The following NELFA variants were observed in gnomAD, a reference collection of about 807,000 sequenced individuals.
NELFA encodes the protein negative elongation factor complex member A.
NELFA carries 35 observed loss-of-function variants against 51.8 expected under a neutral mutation model. That is an observed-to-expected ratio of 0.68 (90% confidence interval 0.52 to 0.90). The LOEUF (loss-of-function observed/expected upper bound fraction) is 0.90. Among genes scored for constraint, NELFA ranks in the 40% least tolerant of loss-of-function variants. The pLI, the probability that NELFA is intolerant of heterozygous loss-of-function variation, is 0.00. For synonymous variants in NELFA, 417 were observed against 338.4 expected, an observed-to-expected ratio of 1.23 and a Z score of -2.55; for missense variants, 658 against 746.4, an observed-to-expected ratio of 0.88 and a Z score of 1.38.
intron 4 of NELFA, chr4:1,986,689 G>A (rs1728111289): frequency 5.1e-6 from 2 of 391,974 alleles, no homozygotes; most frequent in Non-Finnish European, 9.5e-6. Flanking sequence ...CGGGGGCTGA[G>A]CTCTGCCTCC....
intron 1 of NELFA, chr4:2,007,943 T>C: frequency 4.4e-6 from 2 of 456,570 alleles, no homozygotes. Flanking sequence ...ATATAAAGTT[T>C]AGGAAAAAAG....
intron 1 of NELFA, among the ~76,000 whole-genome samples, chr4:2,000,456 T>TA (rs1156525762): frequency 6.6e-6 from 1 of 151,732 alleles, no homozygotes; most frequent in Non-Finnish European, 1.5e-5. Flanking sequence ...ATAATGATAA[T>TA]AATAAAGATG....
At chr4:2,001,644 T>C (rs566394605) in intron 1 of NELFA, among the ~76,000 whole-genome samples, 1 of 152,350 alleles carries the variant, frequency 6.6e-6, no homozygotes, top group Admixed American at 6.5e-5. Flanking sequence ...GGCTCACGCC[T>C]GTAATCCCAG....
Position 2,008,750 on chromosome 4 carries a change from C to G in NELFA, c.210G>C (p.Glu70Asp), listed in dbSNP as rs1352969866. Residue 70 changes from glutamate (E) to aspartate (D), a missense_variant and splice_region_variant, in exon 1 of 11, where the codon GAG becomes GAC. Physicochemically the swap from Glu to Asp is conservative, Grantham distance 45. This residue lies in a region of NELFA where 371 missense variants were observed against 448.3 expected (regional missense o/e 0.83). Coordinates refer to ENST00000382882, the MANE Select transcript of NELFA (RefSeq NM_005663.5). ...TLHLPRRTVD[E>D]MKGALMEIIQ... is the part of the protein sequence containing the mutation. ...CCGCGGGGCGCCACGCCTGCCTTAC[C>G]TCGTCCACCGTGCGGCGCGGGAGGT... 4 of 1,606,642 alleles carry G rather than the reference C, an allele frequency of 2.5e-6. No homozygotes were observed. The highest frequency in any genetic ancestry group is 4.5e-5 in the East Asian group (2 of 44,548).
At chr4:1,988,549 G>A (rs767919587) in intron 3 of NELFA, among the ~76,000 whole-genome samples, 1 of 152,218 alleles carries the variant, frequency 6.6e-6, no homozygotes, top group Non-Finnish European at 1.5e-5. Flanking sequence ...GTGGGCCCGG[G>A]GCTGCACGGA....
At chr4:1,985,695 C>A (rs1728066263) in intron 7 of NELFA, 81 bp downstream of exon 7, 3 of 1,055,498 alleles carry the variant, frequency 2.8e-6, no homozygotes, top group Middle Eastern at 4.0e-4. Context: ...TATTCTCCGA[C>A]AGAGCACACT....
At chr4:1,994,319 C>G (rs1183939350) in intron 1 of NELFA, among the ~76,000 whole-genome samples, 1 of 151,980 alleles carries the variant, frequency 6.6e-6, no homozygotes, top group East Asian at 1.9e-4. Flanking sequence ...AATCCCAGCA[C>G]TCTGGGAGGC....
intron 1 of NELFA, among the ~76,000 whole-genome samples, chr4:2,002,837 A>G (rs1488351533): frequency 6.6e-6 from 1 of 152,230 alleles, no homozygotes; most frequent in Non-Finnish European, 1.5e-5. Flanking sequence ...CAACTTCATG[A>G]CAAAAATGCC....
At chr4:1,994,004 G>T (rs1302716467) in intron 1 of NELFA, among the ~76,000 whole-genome samples, 1 of 152,100 alleles carries the variant, frequency 6.6e-6, no homozygotes, top group Non-Finnish European at 1.5e-5. Context: ...TAGAGAGCAG[G>T]GGCCCTAACT....
At chr4:1,987,851 G>T in intron 4 of NELFA, 67 bp downstream of exon 4, 1 of 1,337,584 alleles carries the variant, frequency 7.5e-7, no homozygotes, top group Non-Finnish European at 1.0e-6. Context: ...CAGGGAGCGG[G>T]TCTCCAGGTG....
Position 2,008,753 on chromosome 4 carries a change from G to A in NELFA, c.207C>T (p.Asp69=). ...GTLHLPRRTV[D]EMKGALMEII... Reference sequence around the variant, plus strand: ...CGGGGCGCCACGCCTGCCTTACCTCGTCCACCGTGCGGCGCGGGAGGTGCA... The same window carrying A: ...CGGGGCGCCACGCCTGCCTTACCTCATCCACCGTGCGGCGCGGGAGGTGCA... The change falls in exon 1 of 11, where the codon GAC becomes GAT. Residue 69 remains aspartate (D), a synonymous_variant. Coordinates refer to ENST00000382882, the MANE Select transcript of NELFA (RefSeq NM_005663.5). The A allele has an allele frequency of 6.2e-7, 1 of 1,607,690 alleles. No individual in the cohort carries two copies. The highest frequency in any genetic ancestry group is 8.5e-7 in the Non-Finnish European group (1 of 1,177,450).
In NELFA at chr4:1,986,412, G is replaced by T. The variant is rs766475819; in HGVS notation, c.635-10C>A. The T allele has an allele frequency of 1.2e-6, 2 of 1,612,662 alleles. No individual in the cohort carries two copies. Among genetic ancestry groups the T allele is most frequent in the Non-Finnish European group, 1.7e-6 (2 of 1,179,628 alleles). ...ATGCCTTTGAGTGGGGCTGGAGGACGGCAACAGTCAGGGCGCCAGCAGCAG... is the reference window on the plus strand; with the variant it reads ...ATGCCTTTGAGTGGGGCTGGAGGACTGCAACAGTCAGGGCGCCAGCAGCAG... On this transcript the variant is annotated splice_polypyrimidine_tract_variant and intron_variant, in intron 4 of 10. Coordinates refer to ENST00000382882, the MANE Select transcript of NELFA (RefSeq NM_005663.5).
chr4:2,001,540 A>G (rs1728565574), intron 1 of NELFA, among the ~76,000 whole-genome samples: 1 of 152,210 alleles, frequency 6.6e-6, no homozygotes, highest in Non-Finnish European at 1.5e-5. Flanking sequence ...AGAATAAAAT[A>G]CCTAGGAATA....
Position 1,987,987 on chromosome 4 carries a change from A to G in NELFA, c.565T>C (p.Leu189=), listed in dbSNP as rs1352655283. Reference sequence around the variant, plus strand: ...AAGGGCACCCCGGCGCTCCGCTTCAACTGCTGGGCGGTCTCCGTGGCTGGA... The same window carrying G: ...AAGGGCACCCCGGCGCTCCGCTTCAGCTGCTGGGCGGTCTCCGTGGCTGGA... ...LQKSTETAQQ[L]KRSAGVPFHA... Residue 189 remains leucine, a synonymous_variant, in exon 4 of 11, where the codon TTG becomes CTG. Transcript: ENST00000382882. 1.9e-6 allele frequency: 3 copies of G among 1,610,946 alleles called. No homozygotes were observed. The highest frequency in any genetic ancestry group is 2.2e-5 in the South Asian group (2 of 90,512).
intron 7 of NELFA, 34 bp downstream of exon 7, chr4:1,985,741 TG>T: frequency 6.4e-7 from 1 of 1,565,184 alleles, no homozygotes; most frequent in Non-Finnish European, 8.8e-7. Context: ...GCACCCGCAG[TG>T]GTGCCAGACA....
intron 1 of NELFA, among the ~76,000 whole-genome samples, chr4:2,002,024 C>A (rs1338782065): frequency 2.0e-5 from 3 of 151,630 alleles, no homozygotes; most frequent in Non-Finnish European, 4.4e-5. Context: ...CACGGTGAAA[C>A]CCTGTCTCTA....
chr4:1,983,330 T>C lies in NELFA; in HGVS notation c.1576A>G (p.Asn526Asp). Residue 526 changes from asparagine (N) to aspartate (D), a missense_variant, in exon 11 of 11, where the codon AAT becomes GAT. Physicochemically the swap from Asn to Asp is conservative, Grantham distance 23. Coordinates refer to ENST00000382882, the MANE Select transcript of NELFA (RefSeq NM_005663.5). The part of the protein sequence containing the change: ...TRFKKYKPMT[N>D]VS ...TGAGGCAGGTGGTTCTAGGACACAT[T>C]GGTCATGGGCTTGTACTTCTTGAAG... The C allele has an allele frequency of 6.2e-7, 1 of 1,614,028 alleles. No individual in the cohort carries two copies. The highest frequency in any genetic ancestry group is 8.5e-7 in the Non-Finnish European group (1 of 1,179,956).
intron 2 of NELFA, chr4:1,990,162 C>A (rs1265093606): frequency 3.4e-5 from 16 of 464,550 alleles, no homozygotes; most frequent in Non-Finnish European, 6.4e-5. Flanking sequence ...ACAGTGATTC[C>A]TGGAGGGCTC....
Position 1,983,262 on chromosome 4 carries a change from C to T in NELFA, c.*57G>A. The T allele has an allele frequency of 2.6e-6, 4 of 1,547,720 alleles. No homozygotes were observed. Among genetic ancestry groups the T allele is most frequent in the Non-Finnish European group, 3.5e-6 (4 of 1,138,384 alleles). On this transcript the variant is annotated 3_prime_UTR_variant, in exon 11 of 11. Transcript: ENST00000382882. ...CCGCCATCCGGTTACTTTAAGCTGG[C>T]AAAGCCATCGTCCCGTGGACCCCCA...
Sources: allele counts gnomAD v4.1 joint callset (sites outside exome capture counted in the v4.1 genomes callset), GRCh38; gene constraint gnomAD v4.1.1; regional missense constraint gnomAD v4.1.1; transcripts MANE v1.5; gene names NCBI Gene and HGNC (gene_info 2026-07-23, HGNC 2026-07-21).